The following SPAG16 variants were observed in gnomAD, a reference collection of about 807,000 sequenced individuals.
The protein encoded by SPAG16 is sperm associated antigen 16.
In SPAG16, 86 loss-of-function variants were observed where a neutral mutation model predicts 80.4. The ratio of observed to expected loss-of-function variants is 1.07; its 90% confidence interval spans 0.90 to 1.28. The LOEUF is 1.28. Among genes scored for constraint, SPAG16 ranks in the 50% most tolerant of loss-of-function variants. The probability of loss-of-function intolerance (pLI) is 0.00; values close to 1 mark genes in which losing one functional copy is unlikely to be tolerated. For synonymous variants in SPAG16, 294 were observed against 265.9 expected (o/e 1.11, Z -1.03); for missense variants, 870 against 765.3 (o/e 1.14, Z -1.61).
intron 14 of SPAG16, among the ~76,000 whole-genome samples, chr2:214,123,796 G>T (rs2054339382): frequency 6.6e-6 from 1 of 151,974 alleles, no homozygotes; most frequent in African/African-American, 2.4e-5. Flanking sequence ...TAGGCAATAA[G>T]AGAGGCCAAG....
At chr2:213,836,781 T>G (rs2074110083) in intron 10 of SPAG16, among the ~76,000 whole-genome samples, 1 of 152,014 alleles carries the variant, frequency 6.6e-6, no homozygotes, top group Non-Finnish European at 1.5e-5. Flanking sequence ...ACCTGGCTAA[T>G]TTTTGTATTT....
intron 10 of SPAG16, among the ~76,000 whole-genome samples, chr2:213,691,446 C>G (rs147012364): frequency 6.6e-6 from 1 of 152,294 alleles, no homozygotes; most frequent in South Asian, 2.1e-4. Flanking sequence ...ATTTGACAAC[C>G]AGTATCAACT....
At chr2:213,811,454 T>C (rs758204173) in intron 10 of SPAG16, among the ~76,000 whole-genome samples, 3 of 152,148 alleles carry the variant, frequency 2.0e-5, no homozygotes, top group Non-Finnish European at 4.4e-5. Flanking sequence ...TTGCACCTAA[T>C]ATGGAAGACT....
At chr2:213,505,029 G>A (rs191228954) in intron 10 of SPAG16, among the ~76,000 whole-genome samples, 5 of 152,296 alleles carry the variant, frequency 3.3e-5, no homozygotes, top group Middle Eastern at 3.4e-3. Flanking sequence ...TTTGGTTCGA[G>A]GAAGAGCATT....
At chr2:214,387,960 TAAGTTTTA>T (rs1700854664) in intron 15 of SPAG16, among the ~76,000 whole-genome samples, 1 of 152,106 alleles carries the variant, frequency 6.6e-6, no homozygotes, top group South Asian at 2.1e-4. Context: ...GGTTATACCA[TAAGTTTTA>T]CATTTCTCTC....
At chr2:214,003,700 A>G (rs920054348) in intron 12 of SPAG16, among the ~76,000 whole-genome samples, 1 of 152,234 alleles carries the variant, frequency 6.6e-6, no homozygotes, top group Non-Finnish European at 1.5e-5. Flanking sequence ...TCAACCAATC[A>G]ATACCTGCAT....
chr2:214,037,864 GGTGTGT>G (rs35564156), intron 13 of SPAG16, among the ~76,000 whole-genome samples: 1,484 of 133,648 alleles, frequency 0.011, 10 homozygotes, highest in Middle Eastern at 0.03. Context: ...CCAGAAGCCT[GGTGTGT>G]GTGTGTGTGT....
chr2:213,845,523 C>T (rs573206516), intron 10 of SPAG16, among the ~76,000 whole-genome samples: 1 of 152,134 alleles, frequency 6.6e-6, no homozygotes, highest in East Asian at 1.9e-4. Flanking sequence ...TGAACATGAA[C>T]AGTATTAATA....
intron 13 of SPAG16, among the ~76,000 whole-genome samples, chr2:214,080,913 G>C (rs982781468): frequency 6.6e-6 from 1 of 151,990 alleles, no homozygotes; most frequent in Non-Finnish European, 1.5e-5. Flanking sequence ...CAGCCCCAGA[G>C]TTTTCAATTG....
intron 10 of SPAG16, among the ~76,000 whole-genome samples, chr2:213,534,234 C>T (rs2076166941): frequency 6.6e-6 from 1 of 151,946 alleles, no homozygotes; most frequent in Non-Finnish European, 1.5e-5. Context: ...ATGATTTCTA[C>T]TTTTTTGGTT....
chr2:213,597,175 C>A (rs527964855), intron 10 of SPAG16, among the ~76,000 whole-genome samples: 3 of 152,128 alleles, frequency 2.0e-5, no homozygotes, highest in African/African-American at 7.2e-5. Flanking sequence ...ATGCCTAAAT[C>A]TAATTTATTT....
intron 4 of SPAG16, among the ~76,000 whole-genome samples, chr2:213,314,587 G>T (rs1220181460): frequency 6.6e-6 from 1 of 151,816 alleles, no homozygotes; most frequent in Non-Finnish European, 1.5e-5. Context: ...AAATTTACCT[G>T]ATAAATAATT....
At chr2:213,836,716 A>C (rs1487237182) in intron 10 of SPAG16, among the ~76,000 whole-genome samples, 1 of 152,000 alleles carries the variant, frequency 6.6e-6, no homozygotes, top group African/African-American at 2.4e-5. Flanking sequence ...GGTTCAAGCA[A>C]TTCTCCTGCC....
intron 13 of SPAG16, among the ~76,000 whole-genome samples, chr2:214,064,590 A>G (rs989390746): frequency 6.6e-6 from 1 of 152,082 alleles, no homozygotes; most frequent in African/African-American, 2.4e-5. Flanking sequence ...ACTGTTCCTC[A>G]GTTCATAGTC....
In SPAG16 at chr2:213,769,675, A is replaced by G. The variant is rs145858374; in HGVS notation, c.1071-92810A>G. Reference sequence around the variant, plus strand: ...CCCTGGAAATTGCTCACTACCTAATATCTTTTAAATATGTCTCTTTCTGTT... The same window carrying G: ...CCCTGGAAATTGCTCACTACCTAATGTCTTTTAAATATGTCTCTTTCTGTT... On this transcript the variant is annotated intron_variant, in intron 10 of 15. Coordinates refer to ENST00000331683, the MANE Select transcript of SPAG16 (RefSeq NM_024532.5). Among the ~76,000 whole-genome samples, 1,445 of 152,302 alleles carry G rather than the reference A, an allele frequency of 9.5e-3. 10 individuals carry two copies. Among genetic ancestry groups the G allele is most frequent in the Non-Finnish European group, 0.015 (1,042 of 68,020 alleles).
chr2:213,602,059 A>T (rs2061085298), intron 10 of SPAG16, among the ~76,000 whole-genome samples: 2 of 152,232 alleles, frequency 1.3e-5, no homozygotes, highest in South Asian at 4.1e-4. Flanking sequence ...TACTGATCTG[A>T]CAGGAAGCGG....
chr2:214,233,869 G>T (rs962475631), intron 15 of SPAG16, among the ~76,000 whole-genome samples: 1 of 151,768 alleles, frequency 6.6e-6, no homozygotes, highest in African/African-American at 2.4e-5. Context: ...TTTTTTGTTC[G>T]ACAAACTTTT....
At position 213,451,844 on chromosome 2, in the gene SPAG16, C is replaced by T. The variant is rs367925181; in HGVS notation, c.943-38119C>T. 2.6e-5 allele frequency among the ~76,000 whole-genome samples: 4 copies of T among 152,114 alleles called. No individual in the cohort carries two copies. The East Asian group carries it at 5.8e-4, about 22-fold the overall frequency. ...GTTTGTGCTGCTCTGCGCTGCTTAT[C>T]TGAGCATGCTAAAAGGGAGGGAGAG... is the stretch of plus-strand genomic sequence containing the variant. On this transcript the variant is annotated intron_variant, in intron 9 of 15. Transcript: ENST00000331683.
At chr2:214,070,862 C>G (rs980761571) in intron 13 of SPAG16, among the ~76,000 whole-genome samples, 2 of 151,962 alleles carry the variant, frequency 1.3e-5, no homozygotes, top group Non-Finnish European at 2.9e-5. Flanking sequence ...TCTTTTTGAT[C>G]TGTCATTGCC....
Sources: gnomAD v4.1 joint callset for allele counts (sites outside exome capture counted in the v4.1 genomes callset) on GRCh38, gnomAD v4.1.1 for gene constraint, MANE v1.5 for transcripts, NCBI Gene and HGNC (gene_info 2026-07-23, HGNC 2026-07-21) for gene names.